Variants in PRR16 observed in about 807,000 individuals in gnomAD.
The protein encoded by PRR16 is protein Largen.
Under a neutral mutation model 18.2 loss-of-function variants are expected in PRR16, and 6 were observed. The ratio of observed to expected loss-of-function variants is 0.33; its 90% CI spans 0.18 to 0.65. PRR16 has a LOEUF of 0.65. PRR16 is among the 30% of genes least tolerant of loss of function. The pLI is 0.74. For synonymous variants in PRR16, 151 were observed against 147.8 expected (o/e 1.02, Z -0.16); for missense variants, 412 against 376.6 (o/e 1.09, Z -0.78).
At chr5:120,634,863 A>G (rs1011691416) in intron 1 of PRR16, among the ~76,000 whole-genome samples, 2 of 152,186 alleles carry the variant, frequency 1.3e-5, no homozygotes, top group African/African-American at 4.8e-5. Context: ...TTGGTAGACC[A>G]TTAGCAAGAT....
At chr5:120,551,422 C>T (rs1752250278) in intron 1 of PRR16, among the ~76,000 whole-genome samples, 2 of 151,994 alleles carry the variant, frequency 1.3e-5, no homozygotes, top group African/African-American at 4.8e-5. Context: ...AGACCGTTAG[C>T]CGGTTATATC....
At chr5:120,557,560 C>T (rs1328360422) in intron 1 of PRR16, among the ~76,000 whole-genome samples, 1 of 151,800 alleles carries the variant, frequency 6.6e-6, no homozygotes, top group Non-Finnish European at 1.5e-5. Flanking sequence ...GATCTGGGTT[C>T]AAATAATTCA....
the PRR16 span, among the ~76,000 whole-genome samples, chr5:120,726,897 G>T: frequency 6.6e-6 from 1 of 152,034 alleles, no homozygotes; most frequent in Non-Finnish European, 1.5e-5. Context: ...TAGTAGCATT[G>T]TTACTATAGT....
chr5:120,791,756 G>A, the PRR16 span, among the ~76,000 whole-genome samples: 1 of 151,896 alleles, frequency 6.6e-6, no homozygotes, highest in African/African-American at 2.4e-5. Flanking sequence ...CAAACAAATT[G>A]CTTATAACAA....
the PRR16 span, among the ~76,000 whole-genome samples, chr5:120,766,919 T>G: frequency 6.6e-6 from 1 of 151,920 alleles, no homozygotes; most frequent in South Asian, 2.1e-4. Context: ...ACCTGTTTTA[T>G]CTCCTCCTCA....
At chr5:120,737,379 A>G in the PRR16 span, among the ~76,000 whole-genome samples, 3 of 122,176 alleles carry the variant, frequency 2.5e-5, no homozygotes, top group Non-Finnish European at 5.0e-5. Flanking sequence ...TTTTGCTTCA[A>G]TTGAGATAAT....
intron 1 of PRR16, among the ~76,000 whole-genome samples, chr5:120,606,778 A>G (rs945155176): frequency 3.9e-5 from 6 of 152,132 alleles, no homozygotes; most frequent in African/African-American, 1.4e-4. Flanking sequence ...ATGGTAGAAT[A>G]TGCCTGTGGT....
the PRR16 span, among the ~76,000 whole-genome samples, chr5:120,727,182 C>A: frequency 9.2e-5 from 14 of 152,070 alleles, no homozygotes; most frequent in African/African-American, 3.4e-4. Flanking sequence ...TTTTGTGTCT[C>A]AAGTTTTGTT....
intron 1 of PRR16, among the ~76,000 whole-genome samples, chr5:120,576,789 T>C: frequency 6.6e-6 from 1 of 152,084 alleles, no homozygotes; most frequent in East Asian, 1.9e-4. Context: ...CTTACAGGCC[T>C]TAATACTCTG....
intron 1 of PRR16, among the ~76,000 whole-genome samples, chr5:120,622,574 G>A (rs1484938347): frequency 6.6e-6 from 1 of 152,062 alleles, no homozygotes; most frequent in Non-Finnish European, 1.5e-5. Flanking sequence ...CACCTCCTGG[G>A]TTTAAGTGAT....
At chr5:120,513,164 C>T (rs1349532651) in intron 1 of PRR16, among the ~76,000 whole-genome samples, 4 of 152,148 alleles carry the variant, frequency 2.6e-5, no homozygotes, top group Admixed American at 6.5e-5. Context: ...CTGGTTTCTT[C>T]TTTGCTGCAT....
At chr5:120,648,777 C>G (rs1046294104) in intron 1 of PRR16, among the ~76,000 whole-genome samples, 2 of 152,024 alleles carry the variant, frequency 1.3e-5, no homozygotes, top group African/African-American at 4.8e-5. Context: ...GAAGGCAAAG[C>G]CCTGGTTTGT....
At chr5:120,604,779 C>T (rs1343559391) in intron 1 of PRR16, among the ~76,000 whole-genome samples, 1 of 152,040 alleles carries the variant, frequency 6.6e-6, no homozygotes, top group East Asian at 1.9e-4. Flanking sequence ...TTTTATTTCC[C>T]CTTCACTTTT....
intron 1 of PRR16, among the ~76,000 whole-genome samples, chr5:120,538,876 G>C (rs1751815740): frequency 6.6e-6 from 1 of 152,184 alleles, no homozygotes; most frequent in South Asian, 2.1e-4. Context: ...CTACTGCTGG[G>C]AGAAAGTGTT....
At chr5:120,486,566 A>G (rs1749807648) in intron 1 of PRR16, among the ~76,000 whole-genome samples, 3 of 152,056 alleles carry the variant, frequency 2.0e-5, no homozygotes, top group South Asian at 2.1e-4. Flanking sequence ...AGATGAGTAG[A>G]TTGCAAAAAT....
chr5:120,553,063 T>G (rs1752303741), intron 1 of PRR16, among the ~76,000 whole-genome samples: 1 of 151,652 alleles, frequency 6.6e-6, no homozygotes, highest in Non-Finnish European at 1.5e-5. Context: ...TAGTGAAAAA[T>G]AAAATATAAT....
chr5:120,742,032 T>G, the PRR16 span, among the ~76,000 whole-genome samples: 2 of 152,242 alleles, frequency 1.3e-5, no homozygotes, highest in Admixed American at 1.3e-4. Context: ...TAAGATGATT[T>G]TCTCTCCTCT....
At chr5:120,642,421 A>T (rs1300604218) in intron 1 of PRR16, among the ~76,000 whole-genome samples, 1 of 152,024 alleles carries the variant, frequency 6.6e-6, no homozygotes, top group African/African-American at 2.4e-5. Context: ...TTTTTTCATG[A>T]TAACCTCCCT....
chr5:120,481,172 A>G, intron 1 of PRR16: 1 of 1,014,504 alleles, frequency 9.9e-7, no homozygotes, highest in Non-Finnish European at 1.3e-6. Flanking sequence ...TTTGGAGATG[A>G]AGTCCCACTC....
Sources: allele counts gnomAD v4.1 joint callset (sites outside exome capture counted in the v4.1 genomes callset), GRCh38; gene constraint gnomAD v4.1.1; transcripts MANE v1.5; gene names NCBI Gene and HGNC (gene_info 2026-07-23, HGNC 2026-07-21).